The following NOS1 variants were observed in gnomAD, a reference collection of about 807,000 sequenced individuals.
NOS1 encodes nitric oxide synthase 1.
In NOS1, 51 loss-of-function variants were observed where a neutral mutation model predicts 164.5. The observed-to-expected ratio is 0.31, with a 90% CI of 0.25 to 0.39. The LOEUF (loss-of-function observed/expected upper bound fraction) is 0.39, where lower values mean the gene tolerates loss of function less well. Ranked by LOEUF, NOS1 falls within the 10% of genes least tolerant of loss-of-function variation. NOS1 has a pLI of 1.00. For missense variants in NOS1, 1,362 were observed against 1,885.6 expected, an observed-to-expected ratio of 0.72 and a Z score of 5.14; for synonymous variants, 719 against 745.8, an observed-to-expected ratio of 0.96 and a Z score of 0.59.
chr12:117,342,944 G>A (rs569815648), intron 1 of NOS1, among the ~76,000 whole-genome samples: 3 of 152,208 alleles, frequency 2.0e-5, no homozygotes, highest in Admixed American at 6.5e-5. Context: ...AGAAGCTAAC[G>A]GAGAAGGAGG....
intron 7 of NOS1, 69 bp downstream of exon 7, chr12:117,285,172 C>T (rs1226124165): frequency 7.9e-6 from 8 of 1,007,888 alleles, no homozygotes; most frequent in Non-Finnish European, 8.9e-6. Flanking sequence ...GAGCTGACTC[C>T]AGAGTCAAAG....
chr12:117,334,183 C>G (rs1453511385), intron 1 of NOS1, among the ~76,000 whole-genome samples: 1 of 152,212 alleles, frequency 6.6e-6, no homozygotes, highest in African/African-American at 2.4e-5. Context: ...CTCTCTTTCT[C>G]TGCTGCATCC....
At chr12:117,269,464 G>T (rs11068431) in intron 10 of NOS1, among the ~76,000 whole-genome samples, 59,197 of 118,286 alleles carry the variant, frequency 0.5, 15,513 homozygotes, top group South Asian at 0.65. Flanking sequence ...CTGGAGATTT[G>T]TTTTTTTTTT....
intron 2 of NOS1, among the ~76,000 whole-genome samples, chr12:117,326,557 C>CTT (rs1173316333): frequency 6.6e-6 from 1 of 152,236 alleles, no homozygotes; most frequent in Non-Finnish European, 1.5e-5. Flanking sequence ...AAGCCACCTT[C>CTT]TCTAGACCTT....
intron 13 of NOS1, among the ~76,000 whole-genome samples, chr12:117,263,262 A>C (rs960759265): frequency 1.2e-4 from 18 of 152,022 alleles, no homozygotes; most frequent in Non-Finnish European, 1.3e-4. Flanking sequence ...ATTAAGGGTC[A>C]GCCCTGAACG....
Position 117,211,111 on chromosome 12 carries a change from C to A in NOS1, c.*4198G>T. Reference sequence around the variant, plus strand: ...AGCTGAGACTACAGGCGCATGCCACCATGCCCAGCTAATTTTTGTATTTTC... The same window carrying A: ...AGCTGAGACTACAGGCGCATGCCACAATGCCCAGCTAATTTTTGTATTTTC... On this transcript the variant is annotated 3_prime_UTR_variant, in exon 29 of 29. Transcript: ENST00000317775. The A allele has an allele frequency of 1.7e-6, 1 of 575,776 alleles. No homozygotes were observed. Among genetic ancestry groups the A allele is most frequent in the Non-Finnish European group, 2.2e-6 (1 of 455,762 alleles). The allele number at this position is 575,776 out of a possible 1,614,324, so 35.7% of individuals were successfully genotyped here. A position where few individuals can be genotyped will look rare whatever the true frequency, so the allele number is the denominator to read the frequency against.
Position 117,326,742 on chromosome 12 carries a change from C to T in NOS1, c.725+3603G>A, listed in dbSNP as rs188146684. ...GCAGGGGCAGGACTCCATGGCAGGC[C>T]GACTTGTCCCTCCCTCTTCCTTGGG... On this transcript the variant is annotated intron_variant, in intron 2 of 28. Coordinates refer to ENST00000317775, the MANE Select transcript of NOS1 (RefSeq NM_000620.5). 5.5e-3 allele frequency among the ~76,000 whole-genome samples: 843 copies of T among 152,298 alleles called. 7 individuals carry two copies. The highest frequency in any genetic ancestry group is 0.018 in the African/African-American group (751 of 41,560).
chr12:117,244,185 T>A (rs1870435722), intron 18 of NOS1, among the ~76,000 whole-genome samples: 1 of 152,178 alleles, frequency 6.6e-6, no homozygotes, highest in African/African-American at 2.4e-5. Context: ...ATTTTTCTTT[T>A]TTTTTTTTGG....
chr12:117,337,055 C>T (rs1875854681), intron 1 of NOS1, among the ~76,000 whole-genome samples: 1 of 151,138 alleles, frequency 6.6e-6, no homozygotes, highest in Non-Finnish European at 1.5e-5. Flanking sequence ...CTCAGCCTCC[C>T]AAAGTATAGG....
intron 10 of NOS1, among the ~76,000 whole-genome samples, chr12:117,269,478 T>TTC (rs1203494244): frequency 6.9e-6 from 1 of 145,942 alleles, no homozygotes; most frequent in Admixed American, 6.8e-5. Context: ...TTTTTTTTTT[T>TTC]TTTTTTTTAG....
At chr12:117,231,036 T>A (rs1485036986) in intron 22 of NOS1, among the ~76,000 whole-genome samples, 2 of 151,966 alleles carry the variant, frequency 1.3e-5, no homozygotes, top group Non-Finnish European at 2.9e-5. Flanking sequence ...ATAGAATGAA[T>A]AAGATCTAGG....
intron 3 of NOS1, among the ~76,000 whole-genome samples, chr12:117,298,896 T>C (rs1255979875): frequency 6.6e-6 from 1 of 152,240 alleles, no homozygotes; most frequent in Admixed American, 6.5e-5. Context: ...AGCTAAGGCC[T>C]AAACTTGTAC....
chr12:117,313,211 G>A (rs1021919952), intron 2 of NOS1, among the ~76,000 whole-genome samples: 1 of 152,104 alleles, frequency 6.6e-6, no homozygotes, highest in African/African-American at 2.4e-5. Context: ...ATTACACGAG[G>A]AAACTATAGT....
rs778503297 is a variant in NOS1, at chr12:117,243,333, G to A, written c.2926C>T (p.Leu976Phe). ...DRSWKRNKFR[L>F]TFVAEAPELT... The stretch of plus-strand genomic sequence containing the variant: ...TCTGGAGCTTCGGCCACAAAGGTGA[G>A]GCGGAACTTGTTTCTCTTCCAGCTG... Residue 976 changes from leucine to phenylalanine, a missense_variant, in exon 19 of 29, where the codon CTC (leucine) becomes TTC (phenylalanine). Physicochemically the swap from Leu to Phe is conservative, Grantham distance 22. This residue lies in a region of NOS1 where 737 missense variants were observed against 1,030.3 expected (regional missense o/e 0.72). Transcript: ENST00000317775. This position sits in a 1 kb window ranked among gnomAD's most constrained non-coding sequence, Gnocchi z 4.3. 8.1e-6 allele frequency: 13 copies of A among 1,614,164 alleles called. No homozygotes were observed. The East Asian group carries it at 2.9e-4, about 36-fold the overall frequency.
At chr12:117,352,278 G>T (rs1051788663) in intron 1 of NOS1, among the ~76,000 whole-genome samples, 1 of 152,148 alleles carries the variant, frequency 6.6e-6, no homozygotes, top group Non-Finnish European at 1.5e-5. Flanking sequence ...GGCAAGAGGC[G>T]TGGGCCTGGG....
At chr12:117,259,231 G>T in intron 14 of NOS1, 101 bp from the exon 15 acceptor site, 1 of 734,460 alleles carries the variant, frequency 1.4e-6, no homozygotes, top group Non-Finnish European at 2.3e-6. Context: ...AGGGCAAGAG[G>T]AGAGAAAGGA....
intron 9 of NOS1, among the ~76,000 whole-genome samples, chr12:117,277,501 G>A (rs1873284277): frequency 6.6e-6 from 1 of 152,012 alleles, no homozygotes; most frequent in African/African-American, 2.4e-5. Context: ...GGTTGAGGTG[G>A]GAGGATCACT....
chr12:117,349,088 C>A (rs1486548360), intron 1 of NOS1, among the ~76,000 whole-genome samples: 1 of 152,138 alleles, frequency 6.6e-6, no homozygotes, highest in Non-Finnish European at 1.5e-5. Flanking sequence ...AAAAGTTTTT[C>A]AAAAAATGAG....
In NOS1 at chr12:117,210,537, C is replaced by A; in HGVS notation, c.*4772G>T. 5 of 985,364 alleles carry A rather than the reference C, an allele frequency of 5.1e-6. No homozygotes were observed. The highest frequency in any genetic ancestry group is 6.0e-6 in the Non-Finnish European group (5 of 829,962). The allele number at this position is 985,364 out of a possible 1,614,324, so 61.0% of individuals were successfully genotyped here. A position where few individuals can be genotyped will look rare whatever the true frequency, so the allele number is the denominator to read the frequency against. ...CTGGTTTAAAACACAGGCTAGAAGTCCACAGATTTCCTAATGGCAAGAATG... is the reference window on the plus strand; with the variant it reads ...CTGGTTTAAAACACAGGCTAGAAGTACACAGATTTCCTAATGGCAAGAATG... On this transcript the variant is annotated 3_prime_UTR_variant, in exon 29 of 29. Transcript: ENST00000317775.
Sources: allele counts gnomAD v4.1 joint callset (sites outside exome capture counted in the v4.1 genomes callset), GRCh38; gene constraint gnomAD v4.1.1; regional missense constraint gnomAD v4.1.1; non-coding constraint Gnocchi (gnomAD v3.1); transcripts MANE v1.5; gene names NCBI Gene and HGNC (gene_info 2026-07-23, HGNC 2026-07-21).